Variants in RAB22A observed in about 807,000 individuals in gnomAD.
RAB22A encodes RAB22A, member RAS oncogene family.
Under a neutral mutation model 30.2 loss-of-function variants are expected in RAB22A, and 13 were observed. The ratio of observed to expected loss-of-function variants is 0.43; its 90% CI spans 0.28 to 0.68. The LOEUF is 0.68. RAB22A is among the 30% of genes least tolerant of loss of function. The probability of loss-of-function intolerance (pLI) is 0.18; values close to 1 mark genes in which losing one functional copy is unlikely to be tolerated. For missense variants in RAB22A, 177 were observed against 246.8 expected (o/e 0.72, Z 1.89); for synonymous variants, 89 against 87.2 (o/e 1.02, Z -0.11).
chr20:58,348,307 G>A (rs1369386301), intron 3 of RAB22A, among the ~76,000 whole-genome samples: 1 of 152,080 alleles, frequency 6.6e-6, no homozygotes, highest in Non-Finnish European at 1.5e-5. Flanking sequence ...ATCTTAATAT[G>A]GTTTCTCCCA....
At chr20:58,326,969 G>A (rs539727413) in intron 2 of RAB22A, among the ~76,000 whole-genome samples, 1 of 152,244 alleles carries the variant, frequency 6.6e-6, no homozygotes, top group Admixed American at 6.5e-5. Flanking sequence ...TTTAGGATGA[G>A]GAAGTTTTCT....
intron 2 of RAB22A, among the ~76,000 whole-genome samples, chr20:58,343,475 T>G (rs1357800614): frequency 6.6e-6 from 1 of 152,190 alleles, no homozygotes; most frequent in Non-Finnish European, 1.5e-5. Context: ...TCTTGATTCT[T>G]TTGATAAGGA....
intron 2 of RAB22A, among the ~76,000 whole-genome samples, chr20:58,343,447 C>T (rs544198525): frequency 3.9e-5 from 6 of 152,180 alleles, no homozygotes; most frequent in African/African-American, 1.4e-4. Flanking sequence ...AGGCTAATGT[C>T]TGTGTTGCCA....
chr20:58,311,386 C>T (rs936468151), intron 2 of RAB22A, among the ~76,000 whole-genome samples: 1 of 152,144 alleles, frequency 6.6e-6, no homozygotes, highest in Non-Finnish European at 1.5e-5. Flanking sequence ...ACAGAAGCTT[C>T]GGTCTATAAA....
At chr20:58,333,276 CATAAATAAATAAATAA>C (rs58194504) in intron 2 of RAB22A, among the ~76,000 whole-genome samples, 4 of 143,662 alleles carry the variant, frequency 2.8e-5, no homozygotes, top group East Asian at 2.0e-4. Context: ...GAGACTCCAT[CATAAATAAATAAATAA>C]ATAAATAAAT....
intron 3 of RAB22A, among the ~76,000 whole-genome samples, chr20:58,351,718 C>T (rs1987053439): frequency 6.6e-6 from 1 of 152,194 alleles, no homozygotes; most frequent in Non-Finnish European, 1.5e-5. Context: ...GAGGCTGAGG[C>T]AGGAGAATGG....
intron 2 of RAB22A, among the ~76,000 whole-genome samples, chr20:58,324,558 G>C (rs536154639): frequency 2.0e-5 from 3 of 152,000 alleles, no homozygotes. Context: ...AGTCCTCCTC[G>C]GTTGTATTCC....
chr20:58,311,160 T>A, intron 2 of RAB22A, 38 bp downstream of exon 2: 1 of 1,508,622 alleles, frequency 6.6e-7, no homozygotes, highest in Non-Finnish European at 9.2e-7. Context: ...TAAAGGTGCA[T>A]TGAAAATCCT....
At chr20:58,343,897 T>G in intron 3 of RAB22A, 98 bp downstream of exon 3, 39 of 971,896 alleles carry the variant, frequency 4.0e-5, no homozygotes, top group Non-Finnish European at 5.7e-5. Context: ...CTCACTTCTC[T>G]TCTGTGCACC....
At chr20:58,318,767 T>C (rs1986394280) in intron 2 of RAB22A, among the ~76,000 whole-genome samples, 1 of 152,172 alleles carries the variant, frequency 6.6e-6, no homozygotes. Flanking sequence ...TCCATTAAAG[T>C]TCTCTCATTG....
chr20:58,335,400 C>A (rs895894543), intron 2 of RAB22A, among the ~76,000 whole-genome samples: 1 of 152,058 alleles, frequency 6.6e-6, no homozygotes, highest in African/African-American at 2.4e-5. Context: ...CTGATTATAT[C>A]CATCATGGTG....
At position 58,359,896 on chromosome 20, in the gene RAB22A, A is replaced by C; in HGVS notation, c.*193A>C. On this transcript the variant is annotated 3_prime_UTR_variant, in exon 7 of 7. Coordinates refer to ENST00000244040, the MANE Select transcript of RAB22A (RefSeq NM_020673.3). ...ATATTTCAGTCTGTGAACTTCTATT[A>C]TGTAAAGAATCTCTAGTGTACAAAG... is the stretch of plus-strand genomic sequence containing the variant. The C allele has an allele frequency of 2.4e-6, 1 of 417,182 alleles. No individual in the cohort carries two copies. Among genetic ancestry groups the C allele is most frequent in the Non-Finnish European group, 4.3e-6 (1 of 230,432 alleles). The allele number at this position is 417,182 out of a possible 1,614,324, so 25.8% of individuals were successfully genotyped here.
chr20:58,355,095 C>T (rs1987110471), intron 6 of RAB22A, among the ~76,000 whole-genome samples: 1 of 152,128 alleles, frequency 6.6e-6, no homozygotes, highest in Non-Finnish European at 1.5e-5. Flanking sequence ...TGTCAGACTT[C>T]CAGGTGGAGA....
chr20:58,310,265 A>G (rs1301973651), intron 1 of RAB22A, among the ~76,000 whole-genome samples: 1 of 152,040 alleles, frequency 6.6e-6, no homozygotes, highest in Non-Finnish European at 1.5e-5. Context: ...ACAAAGAGCA[A>G]ACAGCCCCCC....
At chr20:58,355,094 TC>T (rs1176344884) in intron 6 of RAB22A, among the ~76,000 whole-genome samples, 4 of 152,118 alleles carry the variant, frequency 2.6e-5, no homozygotes, top group Non-Finnish European at 4.4e-5. Context: ...ATGTCAGACT[TC>T]CAGGTGGAGA....
intron 2 of RAB22A, among the ~76,000 whole-genome samples, chr20:58,320,840 G>A (rs902171268): frequency 1.3e-5 from 2 of 152,172 alleles, no homozygotes; most frequent in Non-Finnish European, 2.9e-5. Flanking sequence ...TGGATCACTT[G>A]AAGTCAGGAG....
intron 2 of RAB22A, among the ~76,000 whole-genome samples, chr20:58,322,819 G>A (rs144482502): frequency 8.5e-6 from 1 of 117,126 alleles, no homozygotes; most frequent in Non-Finnish European, 1.7e-5. Flanking sequence ...CTTTCAAAGA[G>A]ACCATTAGTC....
chr20:58,324,093 A>G (rs1362927831), intron 2 of RAB22A, among the ~76,000 whole-genome samples: 2 of 152,182 alleles, frequency 1.3e-5, no homozygotes, highest in Non-Finnish European at 2.9e-5. Context: ...TGCTTGCCTG[A>G]TAAAACTGGT....
intron 2 of RAB22A, among the ~76,000 whole-genome samples, chr20:58,334,253 C>T (rs1228621546): frequency 1.3e-5 from 2 of 151,372 alleles, no homozygotes; most frequent in African/African-American, 2.4e-5. Context: ...GAGAATCGCT[C>T]GAACCTGGGA....
Sources: gnomAD v4.1 joint callset for allele counts (sites outside exome capture counted in the v4.1 genomes callset) on GRCh38, gnomAD v4.1.1 for gene constraint, MANE v1.5 for transcripts, NCBI Gene and HGNC (gene_info 2026-07-23, HGNC 2026-07-21) for gene names.